The following TMEM45A variants were observed in gnomAD, a reference collection of about 807,000 sequenced individuals.
TMEM45A encodes the protein DNA polymerase-transactivated protein 4.
In TMEM45A, 25 loss-of-function variants were observed where a neutral mutation model predicts 32.0. The ratio of observed to expected loss-of-function variants is 0.78; its 90% CI spans 0.57 to 1.09. The LOEUF (loss-of-function observed/expected upper bound fraction) is 1.09, where lower values mean the gene tolerates loss of function less well. Among genes scored for constraint, TMEM45A ranks in the 50% least tolerant of loss-of-function variants. TMEM45A has a pLI of 0.00. For missense variants in TMEM45A, 302 were observed against 325.0 expected, an observed-to-expected ratio of 0.93 and a Z score of 0.54; for synonymous variants, 122 against 114.8, an observed-to-expected ratio of 1.06 and a Z score of -0.40.
intron 1 of TMEM45A, among the ~76,000 whole-genome samples, chr3:100,499,818 G>A (rs894802843): frequency 4.6e-5 from 7 of 152,222 alleles, no homozygotes; most frequent in South Asian, 2.1e-4. Flanking sequence ...GGAGGCTACC[G>A]TGAGCCGAGA....
intron 1 of TMEM45A, among the ~76,000 whole-genome samples, chr3:100,511,143 A>C (rs1708153445): frequency 6.6e-6 from 1 of 151,904 alleles, no homozygotes; most frequent in Non-Finnish European, 1.5e-5. Flanking sequence ...ATACTCCTCG[A>C]GAAGAGCAAC....
intron 1 of TMEM45A, among the ~76,000 whole-genome samples, chr3:100,494,630 T>TA (rs529184506): frequency 0.23 from 32,694 of 145,228 alleles, 3,793 homozygotes; most frequent in East Asian, 0.37. Flanking sequence ...AGACTCCGTC[T>TA]AAAAAAAAAA....
intron 1 of TMEM45A, among the ~76,000 whole-genome samples, chr3:100,536,735 A>G (rs753538077): frequency 6.6e-6 from 1 of 152,176 alleles, no homozygotes; most frequent in Non-Finnish European, 1.5e-5. Flanking sequence ...TCAGGTTAAA[A>G]ATGGTCTCCT....
At chr3:100,493,471 A>C (rs1051499284) in intron 1 of TMEM45A, among the ~76,000 whole-genome samples, 4 of 152,048 alleles carry the variant, frequency 2.6e-5, no homozygotes, top group African/African-American at 9.6e-5. Flanking sequence ...AGCCAAATAT[A>C]TATCTTTTCG....
Position 100,556,857 on chromosome 3 carries a change from C to A in TMEM45A, c.288C>A (p.Phe96Leu). 1 of 1,614,138 alleles carries A rather than the reference C, an allele frequency of 6.2e-7. No individual in the cohort carries two copies. Among genetic ancestry groups the A allele is most frequent in the Non-Finnish European group, 8.5e-7 (1 of 1,180,024 alleles). ...HWNQLLGWHH[F>L]TMYFFFGLLG... ...ATCAACTCCTGGGCTGGCATCATTT[C>A]ACCATGTATTTCTTCTTTGGGCTGT... The change falls in exon 3 of 6, where the codon TTC becomes TTA. Residue 96 changes from phenylalanine to leucine, a missense_variant. Phe to Leu is a conservative substitution (Grantham distance 22, BLOSUM62 0). Transcript: ENST00000323523.
chr3:100,506,308 C>T (rs1477208865), intron 1 of TMEM45A, among the ~76,000 whole-genome samples: 1 of 152,122 alleles, frequency 6.6e-6, no homozygotes. Context: ...TAAACTGCAT[C>T]TAAGTTACTT....
chr3:100,537,176 G>A (rs1705757353), intron 1 of TMEM45A, among the ~76,000 whole-genome samples: 1 of 152,074 alleles, frequency 6.6e-6, no homozygotes, highest in South Asian at 2.1e-4. Context: ...GTCCAGCTTG[G>A]CCTCCCAAAG....
chr3:100,562,710 A>T (rs1430577692), intron 4 of TMEM45A, among the ~76,000 whole-genome samples: 1 of 152,214 alleles, frequency 6.6e-6, no homozygotes, highest in African/African-American at 2.4e-5. Flanking sequence ...CACCATAGAT[A>T]ATATGTTCTG....
At chr3:100,509,875 C>T (rs988585159) in intron 1 of TMEM45A, among the ~76,000 whole-genome samples, 1 of 152,174 alleles carries the variant, frequency 6.6e-6, no homozygotes, top group Non-Finnish European at 1.5e-5. Context: ...CCTGGAAAAT[C>T]AGGTCACTCC....
At chr3:100,535,728 G>C (rs902881971) in intron 1 of TMEM45A, among the ~76,000 whole-genome samples, 1 of 152,256 alleles carries the variant, frequency 6.6e-6, no homozygotes, top group Admixed American at 6.5e-5. Flanking sequence ...TTTATCCTTA[G>C]TAGTAATATT....
rs963020025 is a variant in TMEM45A, at chr3:100,558,400, A to G, written c.404-5A>G. The stretch of plus-strand genomic sequence containing the variant: ...GAAAAAGACAATCTGTTTTTTCCCC[A>G]TCAGCCTTTATCTTCTACAACCACA... On this transcript the variant is annotated splice_region_variant and splice_polypyrimidine_tract_variant and intron_variant, in intron 3 of 5. Coordinates refer to ENST00000323523, the MANE Select transcript of TMEM45A (RefSeq NM_018004.3). The G allele has an allele frequency of 1.9e-6, 3 of 1,612,514 alleles. No homozygotes were observed. The highest frequency in any genetic ancestry group is 1.1e-5 in the South Asian group (1 of 91,014).
chr3:100,533,436 T>C (rs561676955), intron 1 of TMEM45A, among the ~76,000 whole-genome samples: 1 of 152,234 alleles, frequency 6.6e-6, no homozygotes, highest in South Asian at 2.1e-4. Flanking sequence ...TCCTCACGTC[T>C]GCACAGCACA....
intron 1 of TMEM45A, among the ~76,000 whole-genome samples, chr3:100,505,949 T>G (rs1708073889): frequency 6.6e-6 from 1 of 152,094 alleles, no homozygotes; most frequent in South Asian, 2.1e-4. Flanking sequence ...TGGTTAGAGT[T>G]CATGGAACAG....
chr3:100,523,183 A>G (rs1009828356), intron 1 of TMEM45A, among the ~76,000 whole-genome samples: 1 of 152,140 alleles, frequency 6.6e-6, no homozygotes, highest in African/African-American at 2.4e-5. Flanking sequence ...TTCTTATGCA[A>G]TGGTTGCAGG....
chr3:100,515,896 A>G (rs1029102311), intron 1 of TMEM45A, among the ~76,000 whole-genome samples: 2 of 152,186 alleles, frequency 1.3e-5, no homozygotes, highest in Non-Finnish European at 2.9e-5. Flanking sequence ...ATATACATTC[A>G]TATAGAAAAA....
At chr3:100,514,566 G>A (rs1327751925) in intron 1 of TMEM45A, among the ~76,000 whole-genome samples, 1 of 151,828 alleles carries the variant, frequency 6.6e-6, no homozygotes, top group East Asian at 1.9e-4. Flanking sequence ...ATAGGCATGG[G>A]CAAGGACTTC....
intron 1 of TMEM45A, among the ~76,000 whole-genome samples, chr3:100,554,352 C>G (rs1256810909): frequency 6.6e-6 from 1 of 152,124 alleles, no homozygotes; most frequent in Non-Finnish European, 1.5e-5. Context: ...ATTGCCTTAG[C>G]ACAATAAGGG....
chr3:100,503,966 G>A (rs1186572021), intron 1 of TMEM45A, among the ~76,000 whole-genome samples: 1 of 152,170 alleles, frequency 6.6e-6, no homozygotes, highest in Non-Finnish European at 1.5e-5. Flanking sequence ...GTTATTGGTT[G>A]CCACTTTTCA....
chr3:100,533,744 A>T (rs1705692419), intron 1 of TMEM45A, among the ~76,000 whole-genome samples: 1 of 152,144 alleles, frequency 6.6e-6, no homozygotes, highest in Non-Finnish European at 1.5e-5. Context: ...AACCTATGAC[A>T]TGAGGCAGTG....
Sources: allele counts gnomAD v4.1 joint callset (sites outside exome capture counted in the v4.1 genomes callset), GRCh38; gene constraint gnomAD v4.1.1; transcripts MANE v1.5; gene names NCBI Gene and HGNC (gene_info 2026-07-23, HGNC 2026-07-21).